Variants in LUZP2 observed in about 807,000 individuals in gnomAD.
The protein encoded by LUZP2 is leucine zipper protein 2.
In LUZP2, 52 loss-of-function variants were observed where a neutral mutation model predicts 51.6. That is an observed-to-expected ratio of 1.01 (90% CI 0.81 to 1.27). The LOEUF (loss-of-function observed/expected upper bound fraction) is 1.27, where lower values mean the gene tolerates loss of function less well. Ranked by LOEUF, LUZP2 falls within the 50% of genes most tolerant of loss-of-function variation. The pLI is 0.00. For missense variants in LUZP2, 436 were observed against 395.4 expected (o/e 1.10, Z -0.87); for synonymous variants, 154 against 137.3 (o/e 1.12, Z -0.85).
chr11:24,653,637 A>G (rs745370968), intron 1 of LUZP2, among the ~76,000 whole-genome samples: 2 of 152,172 alleles, frequency 1.3e-5, no homozygotes, highest in Non-Finnish European at 2.9e-5. Flanking sequence ...AATAGGGATG[A>G]ATTCCTCTAG....
intron 7 of LUZP2, among the ~76,000 whole-genome samples, chr11:24,958,513 G>C (rs899821685): frequency 1.3e-5 from 2 of 152,098 alleles, no homozygotes; most frequent in African/African-American, 2.4e-5. Context: ...GTGATGATGA[G>C]CATTTTTTCA....
intron 1 of LUZP2, among the ~76,000 whole-genome samples, chr11:24,539,258 T>C (rs1230143102): frequency 6.6e-6 from 1 of 151,958 alleles, no homozygotes; most frequent in Non-Finnish European, 1.5e-5. Flanking sequence ...AGTCTTTTAT[T>C]CCAATTATTT....
intron 1 of LUZP2, among the ~76,000 whole-genome samples, chr11:24,526,767 T>C (rs2133813906): frequency 6.6e-6 from 1 of 151,334 alleles, no homozygotes; most frequent in Admixed American, 6.6e-5. Context: ...GACCTTTCTT[T>C]GATCTTTTTT....
chr11:24,786,582 A>T, intron 5 of LUZP2: 1 of 276,664 alleles, frequency 3.6e-6, no homozygotes, highest in Non-Finnish European at 5.2e-6. Context: ...TATATAAAAT[A>T]TATATTTGCA....
At chr11:24,832,707 G>T (rs559381148) in intron 5 of LUZP2, among the ~76,000 whole-genome samples, 18 of 151,748 alleles carry the variant, frequency 1.2e-4, no homozygotes, top group African/African-American at 4.3e-4. Flanking sequence ...GAATATCTTT[G>T]TGTCTTTAAA....
At chr11:24,969,637 A>C (rs1255367650) in intron 7 of LUZP2, among the ~76,000 whole-genome samples, 1 of 152,156 alleles carries the variant, frequency 6.6e-6, no homozygotes, top group Non-Finnish European at 1.5e-5. Context: ...AACATCAGTA[A>C]ATATCTTCTA....
intron 4 of LUZP2, among the ~76,000 whole-genome samples, chr11:24,743,700 G>T (rs183653819): frequency 6.6e-6 from 1 of 152,046 alleles, no homozygotes; most frequent in Admixed American, 6.6e-5. Context: ...TTTTCTGATT[G>T]CTCTGGATAG....
chr11:24,905,938 A>G, intron 5 of LUZP2, 53 bp from the exon 6 acceptor site: 1 of 1,279,180 alleles, frequency 7.8e-7, no homozygotes, highest in Non-Finnish European at 1.1e-6. Context: ...TAGTTGAAGG[A>G]ATTCTTAATA....
intron 6 of LUZP2, among the ~76,000 whole-genome samples, chr11:24,907,547 C>T (rs1238502102): frequency 6.6e-6 from 1 of 151,578 alleles, no homozygotes; most frequent in African/African-American, 2.4e-5. Flanking sequence ...GTTTATATTT[C>T]CTAGGTTTTG....
intron 7 of LUZP2, among the ~76,000 whole-genome samples, chr11:24,964,173 A>G (rs1322494000): frequency 2.0e-5 from 3 of 152,190 alleles, no homozygotes; most frequent in African/African-American, 7.2e-5. Flanking sequence ...AATGTTTGTT[A>G]ACTGTCAGAT....
chr11:24,663,644 G>A (rs970643360), intron 1 of LUZP2, among the ~76,000 whole-genome samples: 1 of 152,076 alleles, frequency 6.6e-6, no homozygotes, highest in Non-Finnish European at 1.5e-5. Context: ...TAGCTATGTA[G>A]TGAATATGAT....
At chr11:24,900,642 T>C (rs1335951490) in intron 5 of LUZP2, among the ~76,000 whole-genome samples, 1 of 152,190 alleles carries the variant, frequency 6.6e-6, no homozygotes, top group African/African-American at 2.4e-5. Context: ...ATCCTACACT[T>C]GTGCCAGCCA....
intron 7 of LUZP2, among the ~76,000 whole-genome samples, chr11:24,952,665 A>G (rs1190503230): frequency 6.6e-6 from 1 of 151,826 alleles, no homozygotes; most frequent in Non-Finnish European, 1.5e-5. Context: ...TACTTCCTTT[A>G]GTTACCTTTA....
chr11:24,743,504 G>A (rs1400412733), intron 4 of LUZP2, among the ~76,000 whole-genome samples: 2 of 152,054 alleles, frequency 1.3e-5, no homozygotes, highest in African/African-American at 2.4e-5. Context: ...CGCTGTTGGT[G>A]TAGAGAAGAG....
At chr11:24,587,374 A>T (rs73431199) in intron 1 of LUZP2, among the ~76,000 whole-genome samples, 3,114 of 152,176 alleles carry the variant, frequency 0.02, 111 homozygotes, top group African/African-American at 0.072. Flanking sequence ...TATTTTTATT[A>T]TTTTTGCTAG....
chr11:24,937,610 C>T (rs1565133776), intron 7 of LUZP2, among the ~76,000 whole-genome samples: 1 of 151,986 alleles, frequency 6.6e-6, no homozygotes, highest in African/African-American at 2.4e-5. Flanking sequence ...TCAAGAAATA[C>T]GTCATATGTG....
intron 9 of LUZP2, among the ~76,000 whole-genome samples, chr11:25,016,152 C>T (rs1857148804): frequency 6.6e-6 from 1 of 152,052 alleles, no homozygotes; most frequent in Admixed American, 6.5e-5. Flanking sequence ...GATCTCCTGA[C>T]CTCATGATCC....
intron 1 of LUZP2, among the ~76,000 whole-genome samples, chr11:24,706,031 T>C (rs1857570924): frequency 1.3e-5 from 2 of 152,034 alleles, no homozygotes. Flanking sequence ...AGGGTGAGAC[T>C]ACCTATGAGG....
At chr11:24,671,038 A>T (rs1458170561) in intron 1 of LUZP2, among the ~76,000 whole-genome samples, 1 of 151,858 alleles carries the variant, frequency 6.6e-6, no homozygotes, top group Non-Finnish European at 1.5e-5. Context: ...TATCCTAATG[A>T]GCATTAGAAC....
Sources: gnomAD v4.1 joint callset for allele counts (sites outside exome capture counted in the v4.1 genomes callset) on GRCh38, gnomAD v4.1.1 for gene constraint, MANE v1.5 for transcripts, NCBI Gene and HGNC (gene_info 2026-07-23, HGNC 2026-07-21) for gene names.